The following PPL variants were observed in gnomAD, a reference collection of about 807,000 sequenced individuals.
PPL encodes the protein periplakin.
PPL carries 198 observed loss-of-function variants against 194.4 expected under a neutral mutation model. The ratio of observed to expected loss-of-function variants is 1.02; its 90% CI spans 0.91 to 1.15. The LOEUF is 1.15. PPL is among the 50% of genes most tolerant of loss of function. The probability of loss-of-function intolerance (pLI) is 0.00; values close to 1 mark genes in which losing one functional copy is unlikely to be tolerated. For missense variants in PPL, 2,885 were observed against 2,294.8 expected (o/e 1.26, Z -5.25); for synonymous variants, 1,220 against 972.4 (o/e 1.25, Z -4.74).
chr16:4,887,146 G>A lies in PPL; in HGVS notation c.2596C>T (p.Leu866Phe), dbSNP rs148098160. The change falls in exon 21 of 22, where the codon CTC becomes TTC. Residue 866 changes from leucine (L) to phenylalanine (F), a missense_variant. Leu to Phe is a conservative substitution (Grantham distance 22, BLOSUM62 0). Coordinates refer to ENST00000345988, the MANE Select transcript of PPL (RefSeq NM_002705.5). ...RLQNLEFALN[L>F]LRQQPEVEVT... ...CTAAGATCAGTTACCTGTCTGAGGA[G>A]ATTCAGAGCAAACTCCAGATTCTGC... 7.4e-6 allele frequency: 12 copies of A among 1,612,974 alleles called. No individual in the cohort carries two copies. Among genetic ancestry groups the A allele is most frequent in the Non-Finnish European group, 8.5e-6 (10 of 1,179,054 alleles).
intron 1 of PPL, among the ~76,000 whole-genome samples, chr16:4,915,480 C>A (rs967483135): frequency 6.6e-6 from 1 of 152,210 alleles, no homozygotes; most frequent in Non-Finnish European, 1.5e-5. Context: ...TCAATATCAT[C>A]CTTGCCCTAA....
chr16:4,908,627 T>C (rs550441672), intron 2 of PPL, among the ~76,000 whole-genome samples: 10 of 152,286 alleles, frequency 6.6e-5, no homozygotes, highest in South Asian at 4.1e-4. Context: ...AGCCTCAACC[T>C]TCCGGGCTTA....
rs751947205 is a variant in PPL at position 4,884,016 on chromosome 16, G to T, written c.4639C>A (p.Leu1547Met). 3 of 1,613,836 alleles carry T rather than the reference G, an allele frequency of 1.9e-6. No homozygotes were observed. Among genetic ancestry groups the T allele is most frequent in the Non-Finnish European group, 2.5e-6 (3 of 1,180,018 alleles). ...VSRLEARLSE[L>M]EFHNSKSSKE... Reference sequence around the variant, plus strand: ...GATGACTTGGAGTTATGGAATTCCAGCTCCGAAAGCCTGGCTTCCAGCCGG... The same window carrying T: ...GATGACTTGGAGTTATGGAATTCCATCTCCGAAAGCCTGGCTTCCAGCCGG... Residue 1547 changes from leucine to methionine, a missense_variant, in exon 22 of 22, where the codon CTG becomes ATG. Physicochemically the swap from Leu to Met is conservative, Grantham distance 15. Transcript: ENST00000345988. This position sits in a 1 kb window ranked among gnomAD's most constrained non-coding sequence, Gnocchi z 5.7.
rs771592913 is a variant in PPL, at chr16:4,884,390, C to T, written c.4265G>A (p.Arg1422Gln). The T allele has an allele frequency of 3.4e-5, 54 of 1,610,010 alleles. No homozygotes were observed. Among genetic ancestry groups the T allele is most frequent in the Middle Eastern group, 3.3e-4 (2 of 6,054 alleles). Residue 1422 changes from arginine to glutamine, a missense_variant, in exon 22 of 22, where the codon CGG (arginine) becomes CAG (glutamine). Coordinates refer to ENST00000345988, the MANE Select transcript of PPL (RefSeq NM_002705.5). The surrounding 1 kb of genome is among the most constrained non-coding windows in gnomAD (Gnocchi z 5.7). ...ARREAEREVQ[R>Q]LQQRLAALEQ... is the part of the protein sequence containing the mutation. Reference sequence around the variant, plus strand: ...CAGCGCTGCCAGCCGCTGCTGCAACCGCTGTACCTCGCGCTCGGCCTCCCT... The same window carrying T: ...CAGCGCTGCCAGCCGCTGCTGCAACTGCTGTACCTCGCGCTCGGCCTCCCT...
chr16:4,888,083 C>T lies in PPL; in HGVS notation c.2514+19G>A. On this transcript the variant is annotated intron_variant, in intron 20 of 21. Transcript: ENST00000345988. ...GGCCTCCACCTCAGTCCCGAGGCCG[C>T]CTGGCCCATGGAACTCACCTCTTCC... is the stretch of plus-strand genomic sequence containing the variant. 1.3e-6 allele frequency: 2 copies of T among 1,589,742 alleles called. No individual in the cohort carries two copies. Among genetic ancestry groups the T allele is most frequent in the Middle Eastern group, 3.4e-4 (2 of 5,814 alleles).
At chr16:4,905,068 T>G (rs899284386) in intron 2 of PPL, among the ~76,000 whole-genome samples, 1 of 152,122 alleles carries the variant, frequency 6.6e-6, no homozygotes, top group Admixed American at 6.5e-5. Flanking sequence ...GATGAATCCC[T>G]GAGGGATCCC....
In PPL at chr16:4,883,319, A is replaced by G. The variant is rs1303155536; in HGVS notation, c.*65T>C. ...CAGGGCAAGGGAGAGGACGACACCA[A>G]GGAGGTCACTGCGTCGTAGGAGAGG... is the stretch of plus-strand genomic sequence containing the variant. On this transcript the variant is annotated 3_prime_UTR_variant, in exon 22 of 22. Transcript: ENST00000345988. The surrounding 1 kb of genome is among the most constrained non-coding windows in gnomAD (Gnocchi z 4.8). The G allele has an allele frequency of 5.6e-6, 9 of 1,600,442 alleles. No homozygotes were observed. The highest frequency in any genetic ancestry group is 7.7e-6 in the Non-Finnish European group (9 of 1,176,368).
chr16:4,893,831 T>C (rs919688590), intron 12 of PPL, 193 bp from the exon 13 acceptor site: 7 of 575,468 alleles, frequency 1.2e-5, no homozygotes, highest in Admixed American at 9.5e-5. Context: ...CCTCCTTCCC[T>C]CCTCTTTCGT....
chr16:4,884,475 G>A lies in PPL; in HGVS notation c.4180C>T (p.Arg1394Cys), dbSNP rs372808912. Residue 1394 changes from arginine (R) to cysteine (C), a missense_variant, in exon 22 of 22, where the codon CGC becomes TGC. Transcript: ENST00000345988. The surrounding 1 kb of genome is among the most constrained non-coding windows in gnomAD (Gnocchi z 5.7). ...KLRAELRRLQ[R>C]RRTELERQLE... ...TGCCGCTCAAGCTCGGTGCGCCGGC[G>A]CTGCAGCCGCCGCAGCTCTGCCCGC... 72 of 1,602,776 alleles carry A rather than the reference G, an allele frequency of 4.5e-5. No homozygotes were observed. Among genetic ancestry groups the A allele is most frequent in the Admixed American group, 1.2e-4 (7 of 57,170 alleles).
At chr16:4,897,420 C>T (rs999364493) in intron 9 of PPL, among the ~76,000 whole-genome samples, 25 of 151,290 alleles carry the variant, frequency 1.7e-4, no homozygotes, top group Admixed American at 2.6e-4. Context: ...AAACCCTACA[C>T]ACTCACCCTG....
chr16:4,928,678 G>A (rs907150397), intron 1 of PPL, among the ~76,000 whole-genome samples: 2 of 152,198 alleles, frequency 1.3e-5, no homozygotes, highest in African/African-American at 4.8e-5. Flanking sequence ...GTACCACAAA[G>A]AAGAGACAGG....
chr16:4,912,144 C>T (rs1368781600), intron 1 of PPL, among the ~76,000 whole-genome samples: 1 of 152,350 alleles, frequency 6.6e-6, no homozygotes, highest in South Asian at 2.1e-4. Context: ...GCAACCATCA[C>T]CACTATCTCA....
rs1273061289 is a variant in PPL at position 4,897,738 on chromosome 16, C to G, written c.909G>C (p.Lys303Asn). 3 of 1,613,934 alleles carry G rather than the reference C, an allele frequency of 1.9e-6. No individual in the cohort carries two copies. The highest frequency in any genetic ancestry group is 2.5e-6 in the Non-Finnish European group (3 of 1,180,000). The change falls in exon 9 of 22, where the codon AAG (lysine) becomes AAC (asparagine). Residue 303 changes from lysine (K) to asparagine (N), a missense_variant. Transcript: ENST00000345988. ...CGCAGATGAGCAGGTTCAGGTACTC[C>G]TTCCAGTCTGCGTGCACAGCCTCCA... ...AHMEAVHADW[K>N]EYLNLLICEE...
chr16:4,923,523 G>A (rs1337845488), intron 1 of PPL, among the ~76,000 whole-genome samples: 2 of 152,280 alleles, frequency 1.3e-5, no homozygotes, highest in South Asian at 2.1e-4. Flanking sequence ...GGTGGGGGTG[G>A]CTTCAAGAGC....
At chr16:4,929,467 C>A (rs2089200851) in intron 1 of PPL, among the ~76,000 whole-genome samples, 1 of 152,122 alleles carries the variant, frequency 6.6e-6, no homozygotes, top group Non-Finnish European at 1.5e-5. Context: ...CCACCCTTCA[C>A]CTAAACTGGA....
At chr16:4,905,498 C>G (rs2088664267) in intron 2 of PPL, among the ~76,000 whole-genome samples, 1 of 152,230 alleles carries the variant, frequency 6.6e-6, no homozygotes, top group Non-Finnish European at 1.5e-5. Context: ...TGAAAATATT[C>G]TGAAACTGAT....
At position 4,882,632 on chromosome 16, in the gene PPL, C is replaced by G. The variant is rs1390308197; in HGVS notation, c.*752G>C. On this transcript the variant is annotated 3_prime_UTR_variant, in exon 22 of 22. Transcript: ENST00000345988. ...CCCAGATATTGGCGTGGTGAATAAT[C>G]AACTGTTTTGTATACCTAAATACCA... 1 of 152,216 alleles carries G rather than the reference C, an allele frequency of 6.6e-6. No homozygotes were observed. Among genetic ancestry groups the G allele is most frequent in the African/African-American group, 2.4e-5 (1 of 41,434 alleles). 9.4% of individuals were successfully genotyped at this position (152,216 alleles called of 1,614,324 possible).
In PPL at chr16:4,883,938, G is replaced by C. The variant is rs2037912; in HGVS notation, c.4717C>G (p.Gln1573Glu). Residue 1573 changes from glutamine (Q) to glutamate (E), a missense_variant, in exon 22 of 22, where the codon CAA becomes GAA. Transcript: ENST00000345988. This position sits in a 1 kb window ranked among gnomAD's most constrained non-coding sequence, Gnocchi z 4.8. ...EENHKLQLER[Q>E]NLQLETRRLQ... ...CTTCGGGTCTCCAGCTGCAGGTTTT[G>C]CCTCTCCAGCTGTAATTTGTGGTTC... is the stretch of plus-strand genomic sequence containing the variant. 0.53 allele frequency: 855,328 copies of C among 1,613,722 alleles called. 235,926 individuals are homozygous for C. The highest frequency in any genetic ancestry group is 0.65 in the East Asian group (29,043 of 44,846).
At position 4,885,826 on chromosome 16, in the gene PPL, A is replaced by G. The variant is rs781767806; in HGVS notation, c.2829T>C (p.Asp943=). 2.0e-5 allele frequency: 32 copies of G among 1,607,940 alleles called. No individual in the cohort carries two copies. The Admixed American group carries it at 5.3e-4, about 27-fold the overall frequency. Residue 943 remains aspartate (D), a synonymous_variant, in exon 22 of 22, where the codon GAT becomes GAC. Coordinates refer to ENST00000345988, the MANE Select transcript of PPL (RefSeq NM_002705.5). This position sits in a 1 kb window ranked among gnomAD's most constrained non-coding sequence, Gnocchi z 6.3. The part of the protein sequence containing the change: ...VRKEVLKKVP[D]PVLEESFQQL... ...GCTGGAAGCTCTCCTCCAGCACGGG[A>G]TCCGGCACCTTCTTGAGCACCTCCT...
Sources: gnomAD v4.1 joint callset for allele counts (sites outside exome capture counted in the v4.1 genomes callset) on GRCh38, gnomAD v4.1.1 for gene constraint, Gnocchi (gnomAD v3.1) non-coding constraint, MANE v1.5 for transcripts, NCBI Gene and HGNC (gene_info 2026-07-23, HGNC 2026-07-21) for gene names.